The following SLC20A2 variants were observed in gnomAD, a reference collection of about 807,000 sequenced individuals.
SLC20A2 encodes the protein sodium-dependent phosphate transporter 2.
Under a neutral mutation model 61.0 loss-of-function variants are expected in SLC20A2, and 30 were observed. The observed-to-expected ratio is 0.49, with a 90% CI of 0.37 to 0.67. The LOEUF (loss-of-function observed/expected upper bound fraction) is 0.67. SLC20A2 is among the 30% of genes least tolerant of loss of function. SLC20A2 has a pLI of 0.00. For missense variants in SLC20A2, 626 were observed against 866.4 expected (o/e 0.72, Z 3.48); for synonymous variants, 351 against 353.3 (o/e 0.99, Z 0.07).
intron 5 of SLC20A2, among the ~76,000 whole-genome samples, chr8:42,459,006 C>A (rs1321243622): frequency 1.4e-5 from 2 of 141,660 alleles, no homozygotes; most frequent in African/African-American, 2.7e-5. Flanking sequence ...GGCGCAGTGG[C>A]TCACGCCTGT....
chr8:42,444,825 C>A (rs1487117637), intron 5 of SLC20A2, 63 bp from the exon 6 acceptor site: 2 of 1,172,756 alleles, frequency 1.7e-6, no homozygotes, highest in Admixed American at 1.9e-5. Context: ...GGCCTCAGGG[C>A]GGTGGACTTC....
chr8:42,504,748 G>C (rs1810535294), upstream of SLC20A2, among the ~76,000 whole-genome samples: 1 of 148,204 alleles, frequency 6.7e-6, no homozygotes, highest in Admixed American at 6.9e-5. Context: ...AGGAGACTGA[G>C]GCAGGAGAAT....
At chr8:42,428,318 C>CTGT (rs1803566457) in intron 10 of SLC20A2, among the ~76,000 whole-genome samples, 2 of 152,260 alleles carry the variant, frequency 1.3e-5, no homozygotes, top group Non-Finnish European at 2.9e-5. Flanking sequence ...ATATAAGGAA[C>CTGT]AAAACCAGAA....
intron 1 of SLC20A2, among the ~76,000 whole-genome samples, chr8:42,515,602 G>A (rs1000492239): frequency 1.3e-5 from 2 of 152,056 alleles, no homozygotes; most frequent in Non-Finnish European, 2.9e-5. Context: ...GCCACTAAGT[G>A]CTGAAGCCAG....
At chr8:42,466,136 G>T (rs1807142654) in intron 2 of SLC20A2, among the ~76,000 whole-genome samples, 1 of 152,142 alleles carries the variant, frequency 6.6e-6, no homozygotes, top group African/African-American at 2.4e-5. Flanking sequence ...AGGGATGATG[G>T]TTATTTATTT....
rs1170751054 is a variant in SLC20A2, at chr8:42,464,092, CTTTTTTTTTTTT to C, written c.431-1014_431-1003del. On this transcript the variant is annotated intron_variant, in intron 3 of 10. Transcript: ENST00000520262. ...CTTCCCAAAGGGCAGGCTGGATGAT[CTTTTTTTTTTTT>C]TTTTTTTTTTTTTTTTTTTGAGACA... 3.5e-3 allele frequency among the ~76,000 whole-genome samples: 72 copies of C among 20,554 alleles called. 6 individuals are homozygous for C. The South Asian group carries it at 0.06, about 17-fold the overall frequency. The allele number at this position is 20,554 out of a possible 152,430, so 13.5% of individuals were successfully genotyped here.
Position 42,472,462 on chromosome 8 carries a change from C to T in SLC20A2, c.-72G>A, listed in dbSNP as rs1182554474. ...AATAAACAAAGCTTGAGGTTATAAACTTCGTAAGGCCAAGAGTTCTTGTAA... is the reference window on the plus strand; with the variant it reads ...AATAAACAAAGCTTGAGGTTATAAATTTCGTAAGGCCAAGAGTTCTTGTAA... On this transcript the variant is annotated 5_prime_UTR_variant, in exon 2 of 11. Coordinates refer to ENST00000520262, the MANE Select transcript of SLC20A2 (RefSeq NM_001257180.2). The surrounding 1 kb of genome is among the most constrained non-coding windows in gnomAD (Gnocchi z 4.1). The T allele has an allele frequency of 7.3e-6, 10 of 1,376,934 alleles. No individual in the cohort carries two copies. Among genetic ancestry groups the T allele is most frequent in the South Asian group, 1.3e-5 (1 of 74,714 alleles). The allele number at this position is 1,376,934 out of a possible 1,614,324, so 85.3% of individuals were successfully genotyped here.
chr8:42,522,909 TGG>T (rs1186514012), intron 1 of SLC20A2, among the ~76,000 whole-genome samples: 18 of 43,522 alleles, frequency 4.1e-4, no homozygotes, highest in East Asian at 7.3e-4. Flanking sequence ...GATGGCGGGG[TGG>T]GGGGGGTCTC....
At position 42,459,194 on chromosome 8, in the gene SLC20A2, C is replaced by T. The variant is rs374679614; in HGVS notation, c.613+702G>A. On this transcript the variant is annotated intron_variant, in intron 5 of 10. Coordinates refer to ENST00000520262, the MANE Select transcript of SLC20A2 (RefSeq NM_001257180.2). ...GAGGTTGCAGTTTTCCAAGATAGCG[C>T]GATTGCACTCCATCCTGGGTGAGAG... Among the ~76,000 whole-genome samples, 14 of 129,910 alleles carry T rather than the reference C, an allele frequency of 1.1e-4. No homozygotes were observed. In the East Asian group the frequency reaches 2.2e-3, roughly 21 times the overall value. 85.2% of individuals were successfully genotyped at this position (129,910 alleles called of 152,430 possible).
intron 1 of SLC20A2, among the ~76,000 whole-genome samples, chr8:42,525,301 G>C (rs960303971): frequency 6.6e-6 from 1 of 152,048 alleles, no homozygotes; most frequent in Non-Finnish European, 1.5e-5. Context: ...ATGTAAAATG[G>C]CTGGGCACGG....
chr8:42,443,403 C>T (rs1050705686), intron 6 of SLC20A2, among the ~76,000 whole-genome samples: 1 of 149,892 alleles, frequency 6.7e-6, no homozygotes, highest in East Asian at 2.0e-4. Context: ...CAACCTCTGC[C>T]CCCCCGGGTT....
intron 5 of SLC20A2, among the ~76,000 whole-genome samples, chr8:42,451,920 G>A (rs1805710512): frequency 7.5e-6 from 1 of 133,666 alleles, no homozygotes; most frequent in Non-Finnish European, 1.6e-5. Context: ...AGGAGGAGGA[G>A]GAAGAGATGA....
intron 8 of SLC20A2, among the ~76,000 whole-genome samples, chr8:42,430,903 G>A (rs137931840): frequency 2.0e-4 from 31 of 152,184 alleles, no homozygotes; most frequent in African/African-American, 6.5e-4. Flanking sequence ...CATATGAGAC[G>A]GTGAGCTTCA....
chr8:42,511,206 CGT>C, intron 1 of SLC20A2, among the ~76,000 whole-genome samples: 1 of 152,208 alleles, frequency 6.6e-6, no homozygotes, highest in East Asian at 1.9e-4. Flanking sequence ...CAGATGCCCA[CGT>C]GTGTGGTGGA....
At chr8:42,516,342 T>G (rs900225907) in intron 1 of SLC20A2, among the ~76,000 whole-genome samples, 2 of 152,166 alleles carry the variant, frequency 1.3e-5, no homozygotes, top group Non-Finnish European at 2.9e-5. Flanking sequence ...ATCCTAGAAT[T>G]TTTTCCTGTT....
chr8:42,417,745 C>T lies in SLC20A2; in HGVS notation c.*58G>A, dbSNP rs1802765918. The T allele has an allele frequency of 5.1e-6, 8 of 1,580,534 alleles. No individual in the cohort carries two copies. The South Asian group carries it at 8.9e-5, about 18-fold the overall frequency. On this transcript the variant is annotated 3_prime_UTR_variant, in exon 11 of 11. Transcript: ENST00000520262. ...GTATGTGCGGCACGAGCACACATGT[C>T]TCCCACACGCCAACACCAGACCATC...
intron 5 of SLC20A2, among the ~76,000 whole-genome samples, chr8:42,452,162 TGGAGGAGGAGGAGGAAGAGATA>T (rs1805764557): frequency 1.2e-5 from 1 of 80,412 alleles, no homozygotes; most frequent in Non-Finnish European, 2.4e-5. Flanking sequence ...GAGGAAGAGA[TGGAGGAGGAGGAGGAAGAGATA>T]GGAGGAGGAG....
intron 8 of SLC20A2, among the ~76,000 whole-genome samples, chr8:42,434,593 G>C (rs888238769): frequency 6.6e-6 from 1 of 152,190 alleles, no homozygotes; most frequent in Non-Finnish European, 1.5e-5. Flanking sequence ...ATCTCTGAGA[G>C]ACACCCGCCC....
At position 42,437,411 on chromosome 8, in the gene SLC20A2, G is replaced by C. The variant is rs199935692; in HGVS notation, c.1101C>G (p.Pro367=). 221 of 1,614,094 alleles carry C rather than the reference G, an allele frequency of 1.4e-4. 1 individual carries two copies. The highest frequency in any genetic ancestry group is 1.1e-3 in the Admixed American group (68 of 60,010). The part of the protein sequence containing the change: ...LLHKIHIDRG[P]EEKPAQESNY... ...TGCTTTCCTGGGCTGGCTTCTCCTC[G>C]GGGCCCCTGTCGATGTGGATTTTGT... Residue 367 remains proline, a synonymous_variant, in exon 8 of 11, where the codon CCC becomes CCG. Transcript: ENST00000520262. This position sits in a 1 kb window ranked among gnomAD's most constrained non-coding sequence, Gnocchi z 6.4.
Sources: gnomAD v4.1 joint callset for allele counts (sites outside exome capture counted in the v4.1 genomes callset) on GRCh38, gnomAD v4.1.1 for gene constraint, Gnocchi (gnomAD v3.1) non-coding constraint, MANE v1.5 for transcripts, NCBI Gene and HGNC (gene_info 2026-07-23, HGNC 2026-07-21) for gene names.